MED14: variants seen among roughly 807,000 people sequenced by gnomAD.
The protein encoded by MED14 is mediator of RNA polymerase II transcription subunit 14.
MED14 carries 8 observed loss-of-function variants against 109.0 expected under a neutral mutation model. That is an observed-to-expected ratio of 0.07 (90% CI 0.04 to 0.13). The LOEUF (loss-of-function observed/expected upper bound fraction) is 0.13. Among genes scored for constraint, MED14 ranks in the 10% least tolerant of loss-of-function variants. The probability of loss-of-function intolerance (pLI) is 1.00; values close to 1 mark genes in which losing one functional copy is unlikely to be tolerated. For missense variants in MED14, 711 were observed against 1,142.4 expected (o/e 0.62, Z 5.44); for synonymous variants, 399 against 408.7 (o/e 0.98, Z 0.29).
At chrX:40,698,708 C>G (rs1930812974) in intron 12 of MED14, among the ~76,000 whole-genome samples, 1 of 111,843 alleles carries the variant, frequency 8.9e-6, no homozygotes, top group South Asian at 3.7e-4. Flanking sequence ...ATGAAAATCA[C>G]AATGAGATAC....
At chrX:40,678,467 G>A (rs1056188606) in intron 21 of MED14, among the ~76,000 whole-genome samples, 16 of 111,405 alleles carry the variant, frequency 1.4e-4, no homozygotes, top group Admixed American at 3.8e-4. Flanking sequence ...TTGCAGCAGC[G>A]CTTACATATT....
Position 40,692,148 on chromosome X carries a change from A to G in MED14, c.1980+35T>C, listed in dbSNP as rs181874249. ...AACACATTTTAAAAACTACTCTTTCATTTGGGGTATCCAGAACTGTTCCAA... is the reference window on the plus strand; with the variant it reads ...AACACATTTTAAAAACTACTCTTTCGTTTGGGGTATCCAGAACTGTTCCAA... On this transcript the variant is annotated intron_variant, in intron 15 of 30. Transcript: ENST00000324817. 559 of 1,179,924 alleles carry G rather than the reference A, an allele frequency of 4.7e-4. 1 individual carries two copies. The African/African-American group carries it at 9.1e-3, about 19-fold the overall frequency.
chrX:40,725,631 C>T (rs193052593), intron 3 of MED14, among the ~76,000 whole-genome samples: 1 of 111,690 alleles, frequency 9.0e-6, no homozygotes, highest in Admixed American at 9.5e-5. Context: ...CATTCAACAT[C>T]CCTTCATGAT....
At chrX:40,670,490 G>A (rs1038653944) in intron 23 of MED14, among the ~76,000 whole-genome samples, 6 of 111,894 alleles carry the variant, frequency 5.4e-5, no homozygotes, top group African/African-American at 1.3e-4. Context: ...GGCCGGGCGC[G>A]GTGGCTCACG....
At chrX:40,709,295 C>A in intron 10 of MED14, 53 bp downstream of exon 10, 1 of 584,709 alleles carries the variant, frequency 1.7e-6, no homozygotes, top group Non-Finnish European at 2.5e-6. Flanking sequence ...TCAAATAAAA[C>A]TGGATTCTAG....
In MED14 at chrX:40,692,245, C is replaced by G; in HGVS notation, c.1918G>C (p.Val640Leu). Residue 640 changes from valine to leucine, a missense_variant, in exon 15 of 31, where the codon GTT (valine) becomes CTT (leucine). Transcript: ENST00000324817. ...CACATAGCGACGAAGTGGGCTAAAA[C>G]TTTATTGAAGGCACACATTTCTCCT... ...RAGEMCAFNK[V>L]LAHFVAMCDT... 1 of 1,205,747 alleles carries G rather than the reference C, an allele frequency of 8.3e-7. No homozygotes were observed.
intron 17 of MED14, 34 bp from the exon 18 acceptor site, chrX:40,682,783 G>A (rs747225818): frequency 2.5e-6 from 3 of 1,204,614 alleles, no homozygotes; most frequent in Non-Finnish European, 3.4e-6. Context: ...AATAGTAATC[G>A]ATACCAAAAA....
intron 1 of MED14, among the ~76,000 whole-genome samples, chrX:40,732,938 T>C (rs1248623472): frequency 1.1e-4 from 12 of 110,240 alleles, no homozygotes; most frequent in Non-Finnish European, 9.5e-5. Context: ...AGGCACATCA[T>C]GTAAGGCCTT....
In MED14 at chrX:40,649,626, C is replaced by T; in HGVS notation, c.*2180G>A. ...AACACCTTAAAGTTAAGTCCCAACC[C>T]GATTATTAGAGAAAATCACTTGGGC... On this transcript the variant is annotated 3_prime_UTR_variant, in exon 31 of 31. Transcript: ENST00000324817. 1 of 943,499 alleles carries T rather than the reference C, an allele frequency of 1.1e-6. No individual in the cohort carries two copies. The allele number at this position is 943,499 out of a possible 1,213,427, so 77.8% of individuals were successfully genotyped here.
chrX:40,685,085 C>G (rs980997672), intron 16 of MED14, among the ~76,000 whole-genome samples: 2 of 112,058 alleles, frequency 1.8e-5, no homozygotes, highest in Admixed American at 9.5e-5. Context: ...CTGCAAAATA[C>G]TATTATAGTA....
chrX:40,715,784 T>C (rs1242207019), intron 3 of MED14, among the ~76,000 whole-genome samples: 1 of 21,463 alleles, frequency 4.7e-5, no homozygotes. Context: ...AGACTCCGTC[T>C]CAAAAAAAAA....
At chrX:40,735,876 G>C, upstream of MED14, 1 of 273,832 alleles carries the variant, frequency 3.7e-6, no homozygotes, top group Non-Finnish European at 7.0e-6. Flanking sequence ...GCGCGGGAGA[G>C]CGGAAAAGGG....
At chrX:40,687,530 C>T (rs1930339221) in intron 16 of MED14, among the ~76,000 whole-genome samples, 1 of 111,800 alleles carries the variant, frequency 8.9e-6, no homozygotes, top group Non-Finnish European at 1.9e-5. Flanking sequence ...TGTTGAAGGA[C>T]ATTTACATAG....
At chrX:40,714,765 C>T (rs967016139) in intron 3 of MED14, 55 bp from the exon 4 acceptor site, 4 of 1,023,555 alleles carry the variant, frequency 3.9e-6, no homozygotes, top group African/African-American at 1.9e-5. Context: ...CTCCTTTTCA[C>T]ACTAAATATT....
At chrX:40,668,275 C>T (rs1929583505) in intron 23 of MED14, among the ~76,000 whole-genome samples, 2 of 105,909 alleles carry the variant, frequency 1.9e-5, no homozygotes, top group Admixed American at 2.1e-4. Context: ...CCCAGCTACT[C>T]AGGAGGCTGA....
chrX:40,700,363 C>CAAAAAA (rs749901603), intron 12 of MED14, among the ~76,000 whole-genome samples: 1 of 4,957 alleles, frequency 2.0e-4, no homozygotes, highest in Non-Finnish European at 3.9e-4. Context: ...AACCCTGTCT[C>CAAAAAA]AAAAAAAAAA....
intron 10 of MED14, among the ~76,000 whole-genome samples, chrX:40,706,163 C>T (rs900447042): frequency 9.9e-5 from 11 of 111,611 alleles, no homozygotes; most frequent in Non-Finnish European, 1.9e-4. Context: ...TATGTAGTCC[C>T]TCATCCCAGT....
chrX:40,681,913 T>A lies in MED14; in HGVS notation c.2396A>T (p.Glu799Val), dbSNP rs1369869879. ...DIPAHLNIFS[E>V]VRVYNYRKLI... ...TTTTCGGTAATTATAAACACGAACTTCTGAGAAAATATTTAGATGAGCAGG... is the reference window on the plus strand; with the variant it reads ...TTTTCGGTAATTATAAACACGAACTACTGAGAAAATATTTAGATGAGCAGG... Residue 799 changes from glutamate to valine, a missense_variant, in exon 19 of 31, where the codon GAA becomes GTA. Glu to Val is a moderately radical substitution (Grantham distance 121, BLOSUM62 -2). Coordinates refer to ENST00000324817, the MANE Select transcript of MED14 (RefSeq NM_004229.4). 8.8e-7 allele frequency: 1 copy of A among 1,139,000 alleles called. No homozygotes were observed. The highest frequency in any genetic ancestry group is 1.2e-6 in the Non-Finnish European group (1 of 847,990). 93.9% of individuals were successfully genotyped at this position (1,139,000 alleles called of 1,213,427 possible). A position where few individuals can be genotyped will look rare whatever the true frequency, so the allele number is the denominator to read the frequency against.
intron 30 of MED14, among the ~76,000 whole-genome samples, chrX:40,652,895 C>T (rs1381919004): frequency 9.0e-6 from 1 of 111,042 alleles, no homozygotes; most frequent in African/African-American, 3.3e-5. Context: ...GGCCTTTCAG[C>T]AAAGGGCAGG....
Sources: gnomAD v4.1 joint callset for allele counts (sites outside exome capture counted in the v4.1 genomes callset) on GRCh38, gnomAD v4.1.1 for gene constraint, MANE v1.5 for transcripts, NCBI Gene and HGNC (gene_info 2026-07-23, HGNC 2026-07-21) for gene names.